Variants in CHORDC1 observed in about 807,000 individuals in gnomAD.
The protein encoded by CHORDC1 is cysteine and histidine-rich domain-containing protein 1.
Under a neutral mutation model 48.3 loss-of-function variants are expected in CHORDC1, and 25 were observed. The ratio of observed to expected loss-of-function variants is 0.52; its 90% confidence interval spans 0.38 to 0.72. The LOEUF (loss-of-function observed/expected upper bound fraction) is 0.72. CHORDC1 is among the 30% of genes least tolerant of loss of function. CHORDC1 has a pLI of 0.00. For missense variants in CHORDC1, 317 were observed against 388.7 expected (o/e 0.82, Z 1.55); for synonymous variants, 128 against 126.4 (o/e 1.01, Z -0.09).
In CHORDC1 at chr11:90,201,625, A is replaced by T. The variant is rs1267918647; in HGVS notation, c.*780T>A. Reference sequence around the variant, plus strand: ...TTTATATTTAACTAAAGGTTTTAAGAGGGCTTAGTCTCTAAATCAGTAACA... The same window carrying T: ...TTTATATTTAACTAAAGGTTTTAAGTGGGCTTAGTCTCTAAATCAGTAACA... On this transcript the variant is annotated 3_prime_UTR_variant, in exon 11 of 11. Coordinates refer to ENST00000320585, the MANE Select transcript of CHORDC1 (RefSeq NM_012124.3). 5 of 152,410 alleles carry T rather than the reference A, an allele frequency of 3.3e-5. No homozygotes were observed. 9.4% of individuals were successfully genotyped at this position (152,410 alleles called of 1,614,324 possible). A position where few individuals can be genotyped will look rare whatever the true frequency, so the allele number is the denominator to read the frequency against.
At chr11:90,217,449 AAGAAGT>A (rs1221800695) in intron 2 of CHORDC1, among the ~76,000 whole-genome samples, 1 of 152,182 alleles carries the variant, frequency 6.6e-6, no homozygotes, top group Non-Finnish European at 1.5e-5. Flanking sequence ...CAGAACATCC[AAGAAGT>A]ATAGCTGGAA....
rs1418431019 is a variant in CHORDC1 at position 90,214,041 on chromosome 11, T to C, written c.306A>G (p.Pro102=). The C allele has an allele frequency of 6.2e-7, 1 of 1,611,810 alleles. No individual in the cohort carries two copies. The highest frequency in any genetic ancestry group is 1.3e-5 in the African/African-American group (1 of 74,926). ...ACCTTGGTCTTTTTATTGCTTCTAC[T>C]GGCTTAGGGGCTTGAATGATGTGTT... ...FQEHIIQAPK[P]VEAIKRPSPD... Residue 102 remains proline (P), a synonymous_variant, in exon 4 of 11, where the codon CCA becomes CCG. Transcript: ENST00000320585.
chr11:90,210,508 A>T (rs12786959), intron 6 of CHORDC1, 28 bp downstream of exon 6: 249,972 of 1,463,574 alleles, frequency 0.17, 22,740 homozygotes, highest in Non-Finnish European at 0.19. Context: ...TTTACTTCAT[A>T]ACACATCACA....
intron 1 of CHORDC1, among the ~76,000 whole-genome samples, chr11:90,220,046 T>C (rs1858126953): frequency 6.6e-6 from 1 of 152,214 alleles, no homozygotes; most frequent in South Asian, 2.1e-4. Context: ...TTTGTTTTTG[T>C]TTTCTTTTAA....
chr11:90,222,832 AG>A, intron 1 of CHORDC1, 58 bp downstream of exon 1: 1 of 1,481,258 alleles, frequency 6.8e-7, no homozygotes, highest in South Asian at 1.2e-5. Flanking sequence ...TCCGGCCCAA[AG>A]GGCCTCCCCT....
intron 9 of CHORDC1, 92 bp from the exon 10 acceptor site, chr11:90,202,967 A>C: frequency 7.1e-7 from 1 of 1,400,924 alleles, no homozygotes; most frequent in Non-Finnish European, 9.5e-7. Flanking sequence ...GACAAAAATG[A>C]ATTAAGCTAT....
chr11:90,214,673 T>TGATA (rs1769613454), intron 3 of CHORDC1, among the ~76,000 whole-genome samples: 1 of 152,214 alleles, frequency 6.6e-6, no homozygotes, highest in African/African-American at 2.4e-5. Flanking sequence ...ATTTGGCAGG[T>TGATA]GATAACATTC....
At chr11:90,220,064 A>G (rs1858127731) in intron 1 of CHORDC1, among the ~76,000 whole-genome samples, 1 of 152,206 alleles carries the variant, frequency 6.6e-6, no homozygotes, top group Admixed American at 6.5e-5. Context: ...TAAGCTCATC[A>G]GCTATCATTA....
rs776382483 is a variant in CHORDC1 at position 90,203,375 on chromosome 11, A to G, written c.722T>C (p.Val241Ala). Residue 241 changes from valine (V) to alanine (A), a missense_variant, in exon 9 of 11, where the codon GTT (valine) becomes GCT (alanine). By Grantham distance (64) the Val-to-Ala change is moderately conservative. Coordinates refer to ENST00000320585, the MANE Select transcript of CHORDC1 (RefSeq NM_012124.3). Reference sequence around the variant, plus strand: ...GTTTTTAGCATATACTGAAATGGTAACTTCACCTCCAGTCTGATGCCAGTC... The same window carrying G: ...GTTTTTAGCATATACTGAAATGGTAGCTTCACCTCCAGTCTGATGCCAGTC... ...RHDWHQTGGE[V>A]TISVYAKNSL... 23 of 1,598,684 alleles carry G rather than the reference A, an allele frequency of 1.4e-5. No individual in the cohort carries two copies. The Admixed American group carries it at 3.8e-4, about 27-fold the overall frequency.
chr11:90,205,079 T>A (rs1046376630), intron 8 of CHORDC1, among the ~76,000 whole-genome samples: 1 of 149,920 alleles, frequency 6.7e-6, no homozygotes, highest in East Asian at 1.9e-4. Context: ...AAGTTTTAAG[T>A]GGCCAAAAGA....
At chr11:90,206,845 A>G (rs771517735) in intron 6 of CHORDC1, 25 of 1,008,246 alleles carry the variant, frequency 2.5e-5, no homozygotes, top group Non-Finnish European at 3.1e-5. Context: ...ATGTTAATAA[A>G]ACATGGATGT....
At chr11:90,218,916 C>A (rs1858088558) in intron 1 of CHORDC1, among the ~76,000 whole-genome samples, 1 of 151,742 alleles carries the variant, frequency 6.6e-6, no homozygotes, top group Admixed American at 6.6e-5. Flanking sequence ...TTTCTGCCTT[C>A]CCCAAGTGTG....
intron 1 of CHORDC1, among the ~76,000 whole-genome samples, chr11:90,218,810 T>A (rs1222198227): frequency 6.6e-6 from 1 of 152,168 alleles, no homozygotes; most frequent in Non-Finnish European, 1.5e-5. Context: ...GAGGAGTGCC[T>A]CTGCCTGGCG....
intron 7 of CHORDC1, chr11:90,205,837 CGTCTTGGGATAATGTT>C: frequency 2.2e-6 from 1 of 452,026 alleles, no homozygotes; most frequent in Non-Finnish European, 3.9e-6. Context: ...AAGTATGGGT[CGTCTTGGGATAATGTT>C]GTCTTAGTGC....
intron 6 of CHORDC1, chr11:90,207,766 A>AC (rs1418977975): frequency 1.4e-5 from 2 of 147,982 alleles, no homozygotes; most frequent in African/African-American, 2.5e-5. Context: ...AAATACAAAA[A>AC]AAAAAAAAAA....
In CHORDC1 at chr11:90,215,807, CA is replaced by C. The variant is rs560391982; in HGVS notation, c.115-578del. 5.9e-5 allele frequency among the ~76,000 whole-genome samples: 9 copies of C among 151,796 alleles called. No individual in the cohort carries two copies. The East Asian group carries it at 1.7e-3, about 29-fold the overall frequency. ...TTGAACAAACTATCAAGTAGTTTAC[CA>C]AAAAATGGCTTTAATAATTATCTCT... is the stretch of plus-strand genomic sequence containing the variant. On this transcript the variant is annotated intron_variant, in intron 2 of 10. Coordinates refer to ENST00000320585, the MANE Select transcript of CHORDC1 (RefSeq NM_012124.3).
At position 90,203,331 on chromosome 11, in the gene CHORDC1, G is replaced by A. The variant is rs753518275; in HGVS notation, c.766C>T (p.Arg256Ter). The A allele has an allele frequency of 8.8e-6, 14 of 1,594,122 alleles. No individual in the cohort carries two copies. Among genetic ancestry groups the A allele is most frequent in the Non-Finnish European group, 2.6e-6 (3 of 1,166,696 alleles). The change falls in exon 9 of 11, where the codon CGA becomes TGA. Residue 256 changes from arginine to a stop codon, truncating the protein, a stop_gained. Coordinates refer to ENST00000320585, the MANE Select transcript of CHORDC1 (RefSeq NM_012124.3). LOFTEE classifies it high-confidence loss of function. ...YAKNSLPELSRVEANSTLLNV... is the reference protein window; with the variant it reads ...YAKNSLPELS The stretch of plus-strand genomic sequence containing the variant: ...ACCAATGTGCTATTTGCTTCTACTC[G>A]GCTAAGTTCTGGAAGTGAGTTTTTA...
chr11:90,203,176 T>C, intron 9 of CHORDC1, 132 bp downstream of exon 9: 1 of 911,636 alleles, frequency 1.1e-6, no homozygotes, highest in Non-Finnish European at 1.6e-6. Flanking sequence ...GTAATTTAAT[T>C]TTTTTTAATG....
chr11:90,213,962 ATGCACAAG>A, intron 4 of CHORDC1, 48 bp downstream of exon 4: 1 of 1,402,484 alleles, frequency 7.1e-7, no homozygotes, highest in African/African-American at 1.4e-5. Flanking sequence ...GGAAAGTACC[ATGCACAAG>A]TGCTACTATT....
Sources: allele counts gnomAD v4.1 joint callset (sites outside exome capture counted in the v4.1 genomes callset), GRCh38; gene constraint gnomAD v4.1.1; transcripts MANE v1.5; gene names NCBI Gene and HGNC (gene_info 2026-07-23, HGNC 2026-07-21).